The following SP100 variants were observed in gnomAD, a reference collection of about 807,000 sequenced individuals.
The protein encoded by SP100 is SP100 nuclear body protein.
In SP100, 84 loss-of-function variants were observed where a neutral mutation model predicts 130.0. That is an observed-to-expected ratio of 0.65 (90% CI 0.54 to 0.77). The LOEUF (loss-of-function observed/expected upper bound fraction) is 0.77, where lower values mean the gene tolerates loss of function less well. SP100 is among the 30% of genes least tolerant of loss of function. The probability of loss-of-function intolerance (pLI) is 0.00; values close to 1 mark genes in which losing one functional copy is unlikely to be tolerated. For missense variants in SP100, 978 were observed against 1,052.2 expected (o/e 0.93, Z 0.97); for synonymous variants, 331 against 351.7 (o/e 0.94, Z 0.66).
intron 20 of SP100, 129 bp downstream of exon 20, chr2:230,503,239 C>A (rs1225555570): frequency 1.1e-5 from 6 of 569,114 alleles, no homozygotes; most frequent in Non-Finnish European, 1.8e-5. Flanking sequence ...CGTTGACCAG[C>A]AGTTCATTTT....
intron 2 of SP100, among the ~76,000 whole-genome samples, chr2:230,436,999 T>TAC (rs1036403193): frequency 6.6e-5 from 9 of 135,692 alleles, no homozygotes; most frequent in African/African-American, 1.1e-4. Context: ...TATATGTGTA[T>TAC]ACACACACAC....
chr2:230,494,553 T>C, intron 18 of SP100, 93 bp downstream of exon 18: 2 of 912,272 alleles, frequency 2.2e-6, no homozygotes, highest in Non-Finnish European at 3.6e-6. Flanking sequence ...CAGAATCTCC[T>C]ATGGGCCACG....
At chr2:230,447,316 A>T (rs935782386) in intron 5 of SP100, among the ~76,000 whole-genome samples, 3 of 152,202 alleles carry the variant, frequency 2.0e-5, no homozygotes, top group African/African-American at 7.2e-5. Flanking sequence ...TCTGACACCA[A>T]ACATGTCGGT....
intron 19 of SP100, 47 bp downstream of exon 19, chr2:230,498,582 A>C: frequency 3.7e-6 from 4 of 1,067,614 alleles, no homozygotes; most frequent in Non-Finnish European, 5.1e-6. Context: ...CTAAATTCTC[A>C]TGCTCTTAGT....
chr2:230,488,606 G>A (rs1009671752), intron 17 of SP100, among the ~76,000 whole-genome samples: 1 of 152,228 alleles, frequency 6.6e-6, no homozygotes, highest in South Asian at 2.1e-4. Context: ...GTAGAGATGG[G>A]GTTTCACTGT....
chr2:230,468,575 G>A (rs1325118763), intron 13 of SP100, among the ~76,000 whole-genome samples: 1 of 91,530 alleles, frequency 1.1e-5, no homozygotes, highest in African/African-American at 3.0e-5. Context: ...GAGGCTGAGG[G>A]GCTGAGGCAG....
chr2:230,474,740 T>G (rs1045788732), intron 17 of SP100, among the ~76,000 whole-genome samples: 1 of 152,148 alleles, frequency 6.6e-6, no homozygotes, highest in African/African-American at 2.4e-5. Flanking sequence ...CACATTTATG[T>G]GTATTCGATG....
intron 8 of SP100, among the ~76,000 whole-genome samples, chr2:230,455,583 T>A (rs1443606406): frequency 6.6e-6 from 1 of 152,218 alleles, no homozygotes; most frequent in South Asian, 2.1e-4. Flanking sequence ...AGCCACTCTA[T>A]GTCTTTTGAT....
chr2:230,486,081 A>G (rs2066071460), intron 17 of SP100, among the ~76,000 whole-genome samples: 1 of 143,672 alleles, frequency 7.0e-6, no homozygotes, highest in South Asian at 2.2e-4. Context: ...TAAAAAAAAG[A>G]GGTATAATTG....
At chr2:230,515,310 G>C in intron 24 of SP100, 2 of 1,613,346 alleles carry the variant, frequency 1.2e-6, no homozygotes, top group Non-Finnish European at 1.7e-6. Flanking sequence ...ATGCACCCAA[G>C]AGGCCTCCTT....
At chr2:230,472,944 C>T (rs1649891) in intron 15 of SP100, among the ~76,000 whole-genome samples, 35,148 of 152,042 alleles carry the variant, frequency 0.23, 5,001 homozygotes, top group Middle Eastern at 0.33. Context: ...ACTCATTCAT[C>T]CAAGTGTCAG....
At chr2:230,540,728 T>TGGG in intron 25 of SP100, 148 bp from the exon 26 acceptor site, 1 of 921,168 alleles carries the variant, frequency 1.1e-6, no homozygotes, top group African/African-American at 1.6e-5. Flanking sequence ...TGAGTCCAAA[T>TGGG]GGGGCTCTAG....
intron 17 of SP100, among the ~76,000 whole-genome samples, chr2:230,488,343 A>AT (rs1372732254): frequency 6.6e-6 from 1 of 152,178 alleles, no homozygotes; most frequent in African/African-American, 2.4e-5. Flanking sequence ...AGCTCTTATT[A>AT]TTTGGAGGTA....
rs753425520 is a variant in SP100, at chr2:230,541,959, A to C, written c.2471A>C (p.Glu824Ala). 61 of 1,614,012 alleles carry C rather than the reference A, an allele frequency of 3.8e-5. No individual in the cohort carries two copies. The Middle Eastern group carries it at 6.6e-4, about 17-fold the overall frequency. Residue 824 changes from glutamate (E) to alanine (A), a missense_variant, in exon 28 of 29, where the codon GAG becomes GCG. By Grantham distance (107) the Glu-to-Ala change is moderately radical. Coordinates refer to ENST00000340126, the MANE Select transcript of SP100 (RefSeq NM_001080391.2). ...AACAAAGTCAAGACAAGTTTGAATGAGCAGATGTACACCCGAGTAGAAGGG... is the reference window on the plus strand; with the variant it reads ...AACAAAGTCAAGACAAGTTTGAATGCGCAGATGTACACCCGAGTAGAAGGG... ...WLNKVKTSLN[E>A]QMYTRVEGFV...
intron 2 of SP100, among the ~76,000 whole-genome samples, chr2:230,438,403 G>A (rs1436885941): frequency 6.6e-6 from 1 of 152,002 alleles, no homozygotes; most frequent in Admixed American, 6.6e-5. Context: ...AACTCAATGT[G>A]TATTCTTTTA....
At chr2:230,481,690 A>G (rs568933848) in intron 17 of SP100, among the ~76,000 whole-genome samples, 6 of 152,164 alleles carry the variant, frequency 3.9e-5, no homozygotes, top group South Asian at 4.2e-4. Flanking sequence ...TTCCAGTTGA[A>G]CCTAGAAAAA....
In SP100 at chr2:230,466,163, T is replaced by G. The variant is rs2064937488; in HGVS notation, c.1142-138T>G. 6.3e-6 allele frequency: 3 copies of G among 476,092 alleles called. No homozygotes were observed. The South Asian group carries it at 8.4e-5, about 13-fold the overall frequency. The allele number at this position is 476,092 out of a possible 1,614,324, so 29.5% of individuals were successfully genotyped here. A position where few individuals can be genotyped will look rare whatever the true frequency, so the allele number is the denominator to read the frequency against. Reference sequence around the variant, plus strand: ...TTGCACCACTGCACTCCAGCCTGGGTGATAGAACAAGACTCCATCTCAAAA... The same window carrying G: ...TTGCACCACTGCACTCCAGCCTGGGGGATAGAACAAGACTCCATCTCAAAA... On this transcript the variant is annotated intron_variant, in intron 11 of 28. Transcript: ENST00000340126.
chr2:230,515,451 T>G lies in SP100; in HGVS notation c.2094+4285T>G, dbSNP rs1690859453. On this transcript the variant is annotated intron_variant, in intron 24 of 28. Transcript: ENST00000340126. Reference sequence around the variant, plus strand: ...ACACCGCTGCAGCTGACAAGCAGTTTTATGAAAAGAAGGCTGCAAAGCTGA... The same window carrying G: ...ACACCGCTGCAGCTGACAAGCAGTTGTATGAAAAGAAGGCTGCAAAGCTGA... 4 of 1,613,710 alleles carry G rather than the reference T, an allele frequency of 2.5e-6. No individual in the cohort carries two copies. The Admixed American group carries it at 6.7e-5, about 27-fold the overall frequency.
At chr2:230,500,317 C>A (rs755099776) in intron 19 of SP100, among the ~76,000 whole-genome samples, 3 of 152,104 alleles carry the variant, frequency 2.0e-5, no homozygotes, top group African/African-American at 4.8e-5. Flanking sequence ...ACACAAAGAA[C>A]CACTGGAAAG....
Sources: gnomAD v4.1 joint callset for allele counts (sites outside exome capture counted in the v4.1 genomes callset) on GRCh38, gnomAD v4.1.1 for gene constraint, MANE v1.5 for transcripts, NCBI Gene and HGNC (gene_info 2026-07-23, HGNC 2026-07-21) for gene names.